The following VCF1 variants were observed in gnomAD, a reference collection of about 807,000 sequenced individuals.
The protein encoded by VCF1 is VCP nuclear cofactor family member 1, also known as protein VCF1.
chr17:73,215,229 G>C, the VCF1 span, among the ~76,000 whole-genome samples: 1 of 152,206 alleles, frequency 6.6e-6, no homozygotes, highest in Non-Finnish European at 1.5e-5. Context: ...CAGACATCTG[G>C]GTAAGACCCA....
the VCF1 span, chr17:73,212,839 A>G: frequency 1.3e-6 from 1 of 766,580 alleles, no homozygotes; most frequent in South Asian, 2.2e-5. Context: ...GGGTGATGCT[A>G]CTCTAAGAAA....
chr17:73,217,579 G>A, the VCF1 span, among the ~76,000 whole-genome samples: 1 of 152,210 alleles, frequency 6.6e-6, no homozygotes, highest in Non-Finnish European at 1.5e-5. Context: ...GAATCTGGGA[G>A]GCGGAGGTTG....
At chr17:73,207,855 C>G in the VCF1 span, 3 of 1,223,712 alleles carry the variant, frequency 2.5e-6, no homozygotes, top group South Asian at 4.4e-5. Flanking sequence ...GTATCCTTTC[C>G]GTATTCCCTA....
chr17:73,232,295 G>C, the VCF1 span: 1 of 1,587,578 alleles, frequency 6.3e-7, no homozygotes, highest in South Asian at 1.1e-5. Flanking sequence ...CGTCTGCTCC[G>C]CGCCCCCCCA....
chr17:73,214,194 A>T, the VCF1 span, among the ~76,000 whole-genome samples: 2 of 152,152 alleles, frequency 1.3e-5, no homozygotes, highest in Non-Finnish European at 2.9e-5. Context: ...ATTTTCTGAC[A>T]ATTCAGACCA....
the VCF1 span, among the ~76,000 whole-genome samples, chr17:73,229,035 T>C: frequency 6.6e-6 from 1 of 152,154 alleles, no homozygotes; most frequent in Non-Finnish European, 1.5e-5. Flanking sequence ...AGACTATGAA[T>C]GTCAAGGAGG....
At chr17:73,231,900 C>T in the VCF1 span, among the ~76,000 whole-genome samples, 1 of 152,146 alleles carries the variant, frequency 6.6e-6, no homozygotes, top group Non-Finnish European at 1.5e-5. Flanking sequence ...CACCTTCCAG[C>T]TACCCACAGG....
chr17:73,209,007 T>C, the VCF1 span: 1 of 211,106 alleles, frequency 4.7e-6, no homozygotes, highest in Non-Finnish European at 9.6e-6. Context: ...AGAGAGTACT[T>C]TCAATAGAAC....
the VCF1 span, among the ~76,000 whole-genome samples, chr17:73,231,615 G>T: frequency 6.6e-6 from 1 of 152,296 alleles, no homozygotes; most frequent in Non-Finnish European, 1.5e-5. Flanking sequence ...AAGTTCTTCG[G>T]TCTAACCGAA....
the VCF1 span, among the ~76,000 whole-genome samples, chr17:73,222,446 A>G: frequency 6.6e-6 from 1 of 152,140 alleles, no homozygotes; most frequent in Non-Finnish European, 1.5e-5. Context: ...TTCTAGATAA[A>G]AAGAGAAGGA....
the VCF1 span, among the ~76,000 whole-genome samples, chr17:73,214,786 C>G: frequency 6.6e-6 from 1 of 151,976 alleles, no homozygotes; most frequent in East Asian, 1.9e-4. Context: ...CACATTTGTT[C>G]TCGAAAAGAC....
At chr17:73,232,308 T>A in the VCF1 span, 1 of 1,575,600 alleles carries the variant, frequency 6.3e-7, no homozygotes, top group Non-Finnish European at 8.6e-7. Flanking sequence ...CCCCCCCATG[T>A]CGCTGCCGCC....
chr17:73,215,938 A>T, the VCF1 span, among the ~76,000 whole-genome samples: 88 of 152,258 alleles, frequency 5.8e-4, 1 homozygote, highest in African/African-American at 1.5e-3. Flanking sequence ...GAACAAGAGC[A>T]AACTCAGAAA....
chr17:73,228,361 A>G, the VCF1 span, among the ~76,000 whole-genome samples: 1 of 152,210 alleles, frequency 6.6e-6, no homozygotes, highest in African/African-American at 2.4e-5. Context: ...ATAATTATAC[A>G]CTTTCTATGA....
chr17:73,212,007 C>T, the VCF1 span, among the ~76,000 whole-genome samples: 1 of 152,084 alleles, frequency 6.6e-6, no homozygotes, highest in Non-Finnish European at 1.5e-5. Flanking sequence ...CTCCAGCCTA[C>T]GCAATCGGAA....
At chr17:73,221,302 T>C in the VCF1 span, among the ~76,000 whole-genome samples, 19 of 151,682 alleles carry the variant, frequency 1.3e-4, no homozygotes, top group South Asian at 4.1e-4. Context: ...TAACAGAAGC[T>C]AGATTTACAC....
At chr17:73,224,925 GACAGGACAGC>G in the VCF1 span, among the ~76,000 whole-genome samples, 12 of 121,098 alleles carry the variant, frequency 9.9e-5, no homozygotes, top group African/African-American at 2.6e-4. Context: ...GACAGGACAG[GACAGGACAGC>G]ACAGCACAGC....
At chr17:73,216,095 G>A in the VCF1 span, among the ~76,000 whole-genome samples, 10 of 152,102 alleles carry the variant, frequency 6.6e-5, no homozygotes, top group East Asian at 1.9e-4. Context: ...CTATACTTAC[G>A]AGTGGGGATC....
At chr17:73,231,810 A>T in the VCF1 span, among the ~76,000 whole-genome samples, 1 of 150,812 alleles carries the variant, frequency 6.6e-6, no homozygotes, top group Non-Finnish European at 1.5e-5. Context: ...CTCTTCCGGG[A>T]CCGATCACAC....
Sources: allele counts gnomAD v4.1 joint callset (sites outside exome capture counted in the v4.1 genomes callset), GRCh38; gene constraint gnomAD v4.1.1; transcripts MANE v1.5; gene names NCBI Gene and HGNC (gene_info 2026-07-23, HGNC 2026-07-21).